The following KIF16B variants were observed in gnomAD, a reference collection of about 807,000 sequenced individuals.
KIF16B encodes the protein kinesin-like protein KIF16B.
In KIF16B, 98 loss-of-function variants were observed where a neutral mutation model predicts 156.3. The observed-to-expected ratio is 0.63, with a 90% CI of 0.53 to 0.74. The LOEUF (loss-of-function observed/expected upper bound fraction) is 0.74. Ranked by LOEUF, KIF16B falls within the 30% of genes least tolerant of loss-of-function variation. KIF16B has a pLI of 0.00. For synonymous variants in KIF16B, 564 were observed against 583.7 expected (o/e 0.97, Z 0.49); for missense variants, 1,421 against 1,606.5 (o/e 0.88, Z 1.97).
intron 1 of KIF16B, among the ~76,000 whole-genome samples, chr20:16,560,827 CG>C (rs1568689008): frequency 1.3e-5 from 2 of 151,924 alleles, no homozygotes. Flanking sequence ...CAAGAGGAAA[CG>C]GAATTGGCAG....
At chr20:16,423,754 A>C (rs2066282395) in intron 15 of KIF16B, among the ~76,000 whole-genome samples, 1 of 152,106 alleles carries the variant, frequency 6.6e-6, no homozygotes, top group South Asian at 2.1e-4. Context: ...TGCTGCCTGG[A>C]GGAATAGCAG....
chr20:16,361,193 A>G (rs2064545367), intron 22 of KIF16B, among the ~76,000 whole-genome samples: 1 of 152,190 alleles, frequency 6.6e-6, no homozygotes, highest in Non-Finnish European at 1.5e-5. Flanking sequence ...TACACATACT[A>G]TACTGATAGT....
At chr20:16,359,035 T>C (rs544876022) in intron 22 of KIF16B, among the ~76,000 whole-genome samples, 1 of 152,378 alleles carries the variant, frequency 6.6e-6, no homozygotes, top group Non-Finnish European at 1.5e-5. Context: ...AAACTTTTGA[T>C]GTTTCTACTC....
intron 3 of KIF16B, among the ~76,000 whole-genome samples, chr20:16,517,196 C>T (rs1400388808): frequency 6.6e-6 from 1 of 152,254 alleles, no homozygotes; most frequent in Non-Finnish European, 1.5e-5. Context: ...CATCTTCCCA[C>T]TGACTTCTAC....
intron 25 of KIF16B, among the ~76,000 whole-genome samples, chr20:16,287,948 T>A (rs2063250230): frequency 6.6e-6 from 1 of 152,176 alleles, no homozygotes. Flanking sequence ...CAACCTCACT[T>A]GGTTGAAGCA....
At chr20:16,366,451 G>A (rs1252375092) in intron 22 of KIF16B, among the ~76,000 whole-genome samples, 7 of 152,216 alleles carry the variant, frequency 4.6e-5, no homozygotes, top group Admixed American at 1.3e-4. Context: ...TATGGTGGTG[G>A]TGAGGGATAC....
intron 17 of KIF16B, among the ~76,000 whole-genome samples, chr20:16,385,523 A>G (rs1017973032): frequency 6.6e-6 from 1 of 152,228 alleles, no homozygotes; most frequent in Non-Finnish European, 1.5e-5. Context: ...TTAACCTTGG[A>G]TGCTTCATTG....
intron 12 of KIF16B, among the ~76,000 whole-genome samples, chr20:16,448,671 AC>A (rs1245089913): frequency 6.6e-6 from 1 of 152,226 alleles, no homozygotes; most frequent in African/African-American, 2.4e-5. Context: ...AGCAACAACC[AC>A]TGGCAAACAA....
chr20:16,342,671 C>A (rs969089247), intron 23 of KIF16B, among the ~76,000 whole-genome samples: 1 of 152,212 alleles, frequency 6.6e-6, no homozygotes, highest in Non-Finnish European at 1.5e-5. Flanking sequence ...AAAAATTCTT[C>A]ACTCTTGAGA....
At chr20:16,502,047 A>G (rs1051201951) in intron 10 of KIF16B, among the ~76,000 whole-genome samples, 14 of 152,144 alleles carry the variant, frequency 9.2e-5, no homozygotes, top group Non-Finnish European at 1.9e-4. Flanking sequence ...ATATATCTAC[A>G]TATCTAGATC....
At chr20:16,434,084 G>C (rs2066577481) in intron 12 of KIF16B, among the ~76,000 whole-genome samples, 1 of 152,010 alleles carries the variant, frequency 6.6e-6, no homozygotes, top group Admixed American at 6.6e-5. Context: ...CCCACAAACT[G>C]ACTAAAATTG....
At chr20:16,366,994 AT>A (rs1166283705) in intron 22 of KIF16B, 2 of 1,322,498 alleles carry the variant, frequency 1.5e-6, no homozygotes, top group African/African-American at 3.0e-5. Context: ...GATATTTAAA[AT>A]ATTTACATTT....
chr20:16,501,886 G>A (rs1399631943), intron 10 of KIF16B, among the ~76,000 whole-genome samples: 6 of 152,070 alleles, frequency 3.9e-5, no homozygotes, highest in African/African-American at 1.4e-4. Flanking sequence ...GGATTAAGGG[G>A]GGCTTCAAGG....
chr20:16,528,236 C>CA (rs1474320403), intron 2 of KIF16B, 135 bp downstream of exon 2: 5 of 649,276 alleles, frequency 7.7e-6, no homozygotes, highest in Non-Finnish European at 1.4e-5. Flanking sequence ...AAGCCAGGTG[C>CA]AAGCTGACGT....
At chr20:16,274,861 CT>C (rs1555832163) in intron 25 of KIF16B, among the ~76,000 whole-genome samples, 3 of 152,128 alleles carry the variant, frequency 2.0e-5, no homozygotes, top group Non-Finnish European at 4.4e-5. Flanking sequence ...ATTTAGCTAC[CT>C]CTATGAATTG....
chr20:16,304,603 C>T (rs1430860456), intron 25 of KIF16B, among the ~76,000 whole-genome samples: 1 of 152,020 alleles, frequency 6.6e-6, no homozygotes, highest in Non-Finnish European at 1.5e-5. Flanking sequence ...AGGAAGAAAA[C>T]AGTTTTTCCT....
chr20:16,489,759 A>AT (rs34349421), intron 12 of KIF16B, among the ~76,000 whole-genome samples: 29,069 of 151,194 alleles, frequency 0.19, 5,103 homozygotes, highest in African/African-American at 0.48. Context: ...TGGGGATCTT[A>AT]TAAAATACGG....
intron 12 of KIF16B, among the ~76,000 whole-genome samples, chr20:16,450,034 A>G (rs1163689451): frequency 6.6e-6 from 1 of 152,220 alleles, no homozygotes; most frequent in East Asian, 1.9e-4. Flanking sequence ...ATATAAATTA[A>G]TATACTATGG....
intron 25 of KIF16B, among the ~76,000 whole-genome samples, chr20:16,278,266 G>A (rs1243928945): frequency 6.6e-6 from 1 of 152,058 alleles, no homozygotes; most frequent in Non-Finnish European, 1.5e-5. Flanking sequence ...GACAAAAGAG[G>A]TGGAAATGAA....
Sources: gnomAD v4.1 joint callset for allele counts (sites outside exome capture counted in the v4.1 genomes callset) on GRCh38, gnomAD v4.1.1 for gene constraint, MANE v1.5 for transcripts, NCBI Gene and HGNC (gene_info 2026-07-23, HGNC 2026-07-21) for gene names.